NBPF20: variants seen among roughly 807,000 people sequenced by gnomAD.
NBPF20 encodes NBPF family member NBPF20.
NBPF20 carries 90 observed loss-of-function variants against 68.1 expected under a neutral mutation model. The observed-to-expected ratio is 1.32, with a 90% confidence interval of 1.11 to 1.58. The LOEUF is 1.58. Among genes scored for constraint, NBPF20 ranks in the 40% most tolerant of loss-of-function variants. NBPF20 has a pLI of 0.00. For synonymous variants in NBPF20, 290 were observed against 228.1 expected, an observed-to-expected ratio of 1.27 and a Z score of -2.45; for missense variants, 816 against 601.2, an observed-to-expected ratio of 1.36 and a Z score of -3.74.
In NBPF20 at chr1:145,291,915, A is replaced by T. The variant is rs61812478; in HGVS notation, c.16698-146T>A. On this transcript the variant is annotated intron_variant, in intron 137 of 137. Coordinates refer to ENST00000369373, the Ensembl canonical transcript of NBPF20. The stretch of plus-strand genomic sequence containing the variant: ...GAGGTAAAAAAAAAATTTATTGCCT[A>T]TATGTTGGGATAGAACAGGGCCAGG... The T allele has an allele frequency of 5.1e-5, 77 of 1,515,220 alleles. 1 individual carries two copies. In the East Asian group the frequency reaches 5.2e-4, roughly 10 times the overall value. The allele number at this position is 1,515,220 out of a possible 1,614,324, so 93.9% of individuals were successfully genotyped here. A position where few individuals can be genotyped will look rare whatever the true frequency, so the allele number is the denominator to read the frequency against.
chr1:145,352,353 AAC>A (rs1661661311), intron 61 of NBPF20, among the ~76,000 whole-genome samples: 31 of 79,446 alleles, frequency 3.9e-4, no homozygotes, highest in East Asian at 1.2e-3. Flanking sequence ...ACACAGAGAG[AAC>A]GAGCTCAGTG....
chr1:145,291,608 A>T (rs1422257547), exon 138 of NBPF20: 14 of 1,611,988 alleles, frequency 8.7e-6, no homozygotes, highest in Non-Finnish European at 1.2e-5. Flanking sequence ...GTCCACGTAA[A>T]GGGCGAAGCT....
At chr1:145,393,458 A>AAAACAC (rs1662027095) in intron 9 of NBPF20, among the ~76,000 whole-genome samples, 25 of 145,268 alleles carry the variant, frequency 1.7e-4, no homozygotes, top group African/African-American at 6.1e-4. Flanking sequence ...CACACACACA[A>AAAACAC]ACACACACAC....
chr1:145,403,184 C>T lies in NBPF20; in HGVS notation c.278+32G>A, dbSNP rs1553665896. 1.2e-4 allele frequency: 186 copies of T among 1,611,498 alleles called. 2 individuals are homozygous for T. In the South Asian group the frequency reaches 1.3e-3, roughly 11 times the overall value. ...TGTATTTCAGAGATTTACACACCTG[C>T]CCCCCTGCCTGCCACCATGGGGTCC... On this transcript the variant is annotated intron_variant, in intron 3 of 137. Coordinates refer to ENST00000369373, the Ensembl canonical transcript of NBPF20.
chr1:145,402,611 T>C (rs1662575864), intron 3 of NBPF20, among the ~76,000 whole-genome samples: 1 of 151,778 alleles, frequency 6.6e-6, no homozygotes, highest in Non-Finnish European at 1.5e-5. Flanking sequence ...CATTCATCTT[T>C]CCCTTCTGTA....
chr1:145,397,390 G>C (rs1352117933), intron 7 of NBPF20, among the ~76,000 whole-genome samples: 1 of 152,216 alleles, frequency 6.6e-6, no homozygotes, highest in Non-Finnish European at 1.5e-5. Flanking sequence ...CACCAACAGT[G>C]TAAAAGTGTT....
At chr1:145,291,933 G>C (rs1157849642) in intron 137 of NBPF20, among the ~76,000 whole-genome samples, 164 bp from the exon 143 acceptor site, 2 of 151,706 alleles carry the variant, frequency 1.3e-5, no homozygotes, top group Non-Finnish European at 2.9e-5. Flanking sequence ...GGATAGAACA[G>C]GGCCAGGTAG....
chr1:145,292,838 A>G (rs1235172176), intron 136 of NBPF20, among the ~76,000 whole-genome samples: 1 of 67,994 alleles, frequency 1.5e-5, no homozygotes, highest in Non-Finnish European at 2.7e-5. Flanking sequence ...CTCATCAAAT[A>G]CTCAGATTGT....
chr1:145,393,647 A>T lies in NBPF20; in HGVS notation c.1043+237T>A, dbSNP rs1369888473. The T allele has an allele frequency of 4.6e-6, 5 of 1,081,530 alleles. No individual in the cohort carries two copies. The African/African-American group carries it at 4.8e-5, about 10-fold the overall frequency. The allele number at this position is 1,081,530 out of a possible 1,614,324, so 67.0% of individuals were successfully genotyped here. ...GTGCTCAAGTTTCCCTGCAGTTACCATGAGAATACAGCTTTTGAGTTATGG... is the reference window on the plus strand; with the variant it reads ...GTGCTCAAGTTTCCCTGCAGTTACCTTGAGAATACAGCTTTTGAGTTATGG... On this transcript the variant is annotated intron_variant, in intron 9 of 137. Coordinates refer to ENST00000369373, the Ensembl canonical transcript of NBPF20.
exon 138 of NBPF20, chr1:145,291,571 T>A (rs374747548): frequency 4.3e-6 from 7 of 1,612,014 alleles, no homozygotes; most frequent in Non-Finnish European, 5.9e-6. Context: ...GGTGGAGACT[T>A]GTCACCGTCA....
chr1:145,404,667 C>T (rs1435750558), intron 2 of NBPF20, among the ~76,000 whole-genome samples: 1 of 152,198 alleles, frequency 6.6e-6, no homozygotes, highest in Non-Finnish European at 1.5e-5. Context: ...CCAAGTTTCC[C>T]TCAGAGTCAC....
chr1:145,424,956 C>G, the NBPF20 span, among the ~76,000 whole-genome samples: 1 of 152,172 alleles, frequency 6.6e-6, no homozygotes, highest in Non-Finnish European at 1.5e-5. Flanking sequence ...AACTTTGCAA[C>G]CCAGGGGCGC....
the NBPF20 span, among the ~76,000 whole-genome samples, chr1:145,421,273 T>G: frequency 6.6e-6 from 1 of 152,222 alleles, no homozygotes; most frequent in African/African-American, 2.4e-5. Flanking sequence ...TACTGGTCTA[T>G]CTGGTCTATC....
At chr1:145,397,802 G>A (rs1353935097) in intron 7 of NBPF20, among the ~76,000 whole-genome samples, 1 of 152,186 alleles carries the variant, frequency 6.6e-6, no homozygotes, top group Non-Finnish European at 1.5e-5. Context: ...ATTGGATAAA[G>A]AGTCAAGTCC....
the NBPF20 span, among the ~76,000 whole-genome samples, chr1:145,412,451 C>A: frequency 6.6e-6 from 1 of 151,880 alleles, no homozygotes; most frequent in Non-Finnish European, 1.5e-5. Context: ...GGAGGGGACA[C>A]AACAAATTTG....
At chr1:145,291,491 G>T in exon 138 of NBPF20, 4 of 1,611,978 alleles carry the variant, frequency 2.5e-6, no homozygotes, top group South Asian at 2.2e-5. Flanking sequence ...GGTCCTGCCT[G>T]CAGGAATGAC....
rs1294942728 is a variant in NBPF20 at position 145,390,315 on chromosome 1, C to A, written c.1494-199G>T. ...AGAATGAAAGAGAAAGACAGATAGA[C>A]ACACACACACACACACACACACACA... On this transcript the variant is annotated intron_variant, in intron 13 of 137. Coordinates refer to ENST00000369373, the Ensembl canonical transcript of NBPF20. Among the ~76,000 whole-genome samples the A allele has an allele frequency of 3.2e-5, 2 of 62,606 alleles. 1 individual carries two copies. 41.1% of individuals were successfully genotyped at this position (62,606 alleles called of 152,430 possible). A position where few individuals can be genotyped will look rare whatever the true frequency, so the allele number is the denominator to read the frequency against.
chr1:145,423,617 G>T, the NBPF20 span, among the ~76,000 whole-genome samples: 32 of 152,100 alleles, frequency 2.1e-4, no homozygotes, highest in Admixed American at 2.1e-3. Context: ...AATGAAAACT[G>T]GATAAAAAGA....
At chr1:145,394,166 G>T (rs1287276460) in intron 8 of NBPF20, among the ~76,000 whole-genome samples, 2 of 152,104 alleles carry the variant, frequency 1.3e-5, no homozygotes, top group Non-Finnish European at 2.9e-5. Flanking sequence ...TCTTCCCTAT[G>T]TGCTCTGTCC....
Sources: allele counts gnomAD v4.1 joint callset (sites outside exome capture counted in the v4.1 genomes callset), GRCh38; gene constraint gnomAD v4.1.1; transcripts MANE v1.5; gene names NCBI Gene and HGNC (gene_info 2026-07-23, HGNC 2026-07-21).